The following PLOD1 variants were observed in gnomAD, a reference collection of about 807,000 sequenced individuals.
The protein encoded by PLOD1 is procollagen-lysine,2-oxoglutarate 5-dioxygenase 1.
Under a neutral mutation model 94.7 loss-of-function variants are expected in PLOD1, and 70 were observed. That is an observed-to-expected ratio of 0.74 (90% CI 0.61 to 0.90). PLOD1 has a LOEUF of 0.90. Ranked by LOEUF, PLOD1 falls within the 40% of genes least tolerant of loss-of-function variation. The pLI is 0.00. For synonymous variants in PLOD1, 417 were observed against 400.2 expected (o/e 1.04, Z -0.50); for missense variants, 905 against 972.7 (o/e 0.93, Z 0.93).
chr1:11,950,624 C>G (rs1022806390), intron 4 of PLOD1, 104 bp downstream of exon 4: 1 of 1,000,106 alleles, frequency 1.0e-6, no homozygotes, highest in Admixed American at 2.0e-5. Context: ...TCTCACAGGT[C>G]TCCAGTGCAG....
chr1:11,963,649 C>A lies in PLOD1; in HGVS notation c.1202+13C>A. ...TCCAACAGAACAAGTGAGGCTGCTC[C>A]GTCTGCACCCAGCACTGCTCAGGAC... On this transcript the variant is annotated intron_variant, in intron 11 of 18. Coordinates refer to ENST00000196061, the MANE Select transcript of PLOD1 (RefSeq NM_000302.4). The surrounding 1 kb of genome is among the most constrained non-coding windows in gnomAD (Gnocchi z 4.3). 1 of 1,548,218 alleles carries A rather than the reference C, an allele frequency of 6.5e-7. No homozygotes were observed.
Position 11,972,614 on chromosome 1 carries a change from C to T in PLOD1, c.1903-258C>T. 2 of 439,280 alleles carry T rather than the reference C, an allele frequency of 4.6e-6. No individual in the cohort carries two copies. The highest frequency in any genetic ancestry group is 4.2e-6 in the Non-Finnish European group (1 of 237,400). 27.2% of individuals were successfully genotyped at this position (439,280 alleles called of 1,614,324 possible). On this transcript the variant is annotated intron_variant, in intron 17 of 18. Transcript: ENST00000196061. The surrounding 1 kb of genome is among the most constrained non-coding windows in gnomAD (Gnocchi z 4.6). ...TCTCTTCCCTTTTCCTCCCTTCCTC[C>T]CTCCCTCCCTTCCTTTCTTCCTTCC...
At chr1:11,974,376 T>G (rs534736060) in intron 18 of PLOD1, among the ~76,000 whole-genome samples, 2 of 152,162 alleles carry the variant, frequency 1.3e-5, no homozygotes, top group African/African-American at 4.8e-5. Flanking sequence ...AGAGATGGGG[T>G]CTCACCATGT....
chr1:11,964,786 G>A lies in PLOD1; in HGVS notation c.1470+1G>A. On this transcript the variant is annotated splice_donor_variant, in intron 13 of 18. Transcript: ENST00000196061. LOFTEE classifies it high-confidence loss of function. ...CTTCTGTGCCAACATCCGGCAGCAG[G>A]TCAGCCAGGAGCGGGCAGCACAGGA... 6.2e-7 allele frequency: 1 copy of A among 1,613,560 alleles called. No homozygotes were observed. Among genetic ancestry groups the A allele is most frequent in the Non-Finnish European group, 8.5e-7 (1 of 1,180,038 alleles).
intron 13 of PLOD1, among the ~76,000 whole-genome samples, chr1:11,965,038 A>G (rs1245536824): frequency 6.6e-6 from 1 of 151,800 alleles, no homozygotes; most frequent in Non-Finnish European, 1.5e-5. Context: ...TTTTATTTAC[A>G]TTTTTGGAAT....
intron 16 of PLOD1, among the ~76,000 whole-genome samples, chr1:11,968,517 T>C (rs1645837842): frequency 1.3e-5 from 2 of 151,442 alleles, no homozygotes; most frequent in African/African-American, 2.4e-5. Context: ...TTTTCTTTTT[T>C]CTTTTTTTTT....
intron 1 of PLOD1, among the ~76,000 whole-genome samples, chr1:11,945,743 C>A (rs1452669423): frequency 1.3e-5 from 2 of 152,140 alleles, no homozygotes; most frequent in African/African-American, 4.8e-5. Flanking sequence ...GAGTCTTGCT[C>A]TGTCACCCAG....
chr1:11,945,817 T>TC (rs1557484402), intron 1 of PLOD1, among the ~76,000 whole-genome samples: 1 of 152,202 alleles, frequency 6.6e-6, no homozygotes, highest in Non-Finnish European at 1.5e-5. Flanking sequence ...CAAGCAATTC[T>TC]CCTGTCTCAG....
At chr1:11,948,322 A>C (rs1034036066) in intron 2 of PLOD1, among the ~76,000 whole-genome samples, 2 of 152,332 alleles carry the variant, frequency 1.3e-5, no homozygotes, top group African/African-American at 4.8e-5. Flanking sequence ...CAGGAGCCTC[A>C]GCTGAGAGGC....
chr1:11,959,865 C>T (rs1645765610), intron 9 of PLOD1, among the ~76,000 whole-genome samples: 1 of 151,604 alleles, frequency 6.6e-6, no homozygotes, highest in Non-Finnish European at 1.5e-5. Context: ...ATCTGCCTGC[C>T]TCCGCCTGCC....
chr1:11,940,975 CAG>C (rs937842303), intron 1 of PLOD1, among the ~76,000 whole-genome samples: 3 of 152,162 alleles, frequency 2.0e-5, no homozygotes, highest in Admixed American at 2.0e-4. Context: ...GGCTCTTGGA[CAG>C]GGAAATGAAG....
At chr1:11,973,024 G>A in intron 18 of PLOD1, 27 bp downstream of exon 18, 2 of 1,613,398 alleles carry the variant, frequency 1.2e-6, no homozygotes, top group Non-Finnish European at 1.7e-6. Flanking sequence ...CGGGGTCAAG[G>A]GGCCGGCAAT....
At chr1:11,967,178 G>C in intron 16 of PLOD1, 87 bp downstream of exon 16, 1 of 870,038 alleles carries the variant, frequency 1.1e-6, no homozygotes, top group Non-Finnish European at 2.0e-6. Context: ...TGGCAAGCTG[G>C]CCTGGCCACC....
chr1:11,966,393 C>T (rs564770955), intron 15 of PLOD1, 77 bp downstream of exon 15: 65 of 952,200 alleles, frequency 6.8e-5, no homozygotes, highest in Non-Finnish European at 9.5e-5. Context: ...ACTGCTTGCC[C>T]TGGGGAGTGG....
At position 11,957,106 on chromosome 1, in the gene PLOD1, G is replaced by A; in HGVS notation, c.741+92G>A. 1.1e-6 allele frequency: 1 copy of A among 872,878 alleles called. No individual in the cohort carries two copies. Among genetic ancestry groups the A allele is most frequent in the Non-Finnish European group, 2.0e-6 (1 of 504,040 alleles). The allele number at this position is 872,878 out of a possible 1,614,324, so 54.1% of individuals were successfully genotyped here. A position where few individuals can be genotyped will look rare whatever the true frequency, so the allele number is the denominator to read the frequency against. On this transcript the variant is annotated intron_variant, in intron 7 of 18. Transcript: ENST00000196061. The surrounding 1 kb of genome is among the most constrained non-coding windows in gnomAD (Gnocchi z 4.1). ...ACCCCACAGTGTCTCCCTGGGGCCAGGGCCACCTTCCTGGGGCCTGCTATG... is the reference window on the plus strand; with the variant it reads ...ACCCCACAGTGTCTCCCTGGGGCCAAGGCCACCTTCCTGGGGCCTGCTATG...
In PLOD1 at chr1:11,963,981, G is replaced by A. The variant is rs116185627; in HGVS notation, c.1203-194G>A. On this transcript the variant is annotated intron_variant, in intron 11 of 18. Transcript: ENST00000196061. This position sits in a 1 kb window ranked among gnomAD's most constrained non-coding sequence, Gnocchi z 4.3. ...TGTCCTGCCCTGTCTGCTCCTGGCTGCCCCATGGGAGGGAGCAGGTACCAG... is the reference window on the plus strand; with the variant it reads ...TGTCCTGCCCTGTCTGCTCCTGGCTACCCCATGGGAGGGAGCAGGTACCAG... 1.3e-5 allele frequency among the ~76,000 whole-genome samples: 2 copies of A among 152,096 alleles called. No homozygotes were observed. The highest frequency in any genetic ancestry group is 1.5e-5 in the Non-Finnish European group (1 of 68,022).
At position 11,957,939 on chromosome 1, in the gene PLOD1, T is replaced by C. The variant is rs199669594; in HGVS notation, c.839T>C (p.Ile280Thr). 7.8e-5 allele frequency: 126 copies of C among 1,608,440 alleles called. 1 individual carries two copies. In the East Asian group the frequency reaches 1.3e-3, roughly 17 times the overall value. Residue 280 changes from isoleucine to threonine, a missense_variant, in exon 8 of 19, where the codon ATT becomes ACT. Transcript: ENST00000196061. This position sits in a 1 kb window ranked among gnomAD's most constrained non-coding sequence, Gnocchi z 4.1. Reference sequence around the variant, plus strand: ...GAAGGCTTGCGCAGCCTCAAGGGCATTGGGGTGAGGCTGCGCCCAGGCCTG... The same window carrying C: ...GAAGGCTTGCGCAGCCTCAAGGGCACTGGGGTGAGGCTGCGCCCAGGCCTG... ...CDEGLRSLKG[I>T]GDEALPTVLV...
At position 11,950,515 on chromosome 1, in the gene PLOD1, C is replaced by T. The variant is rs769958284; in HGVS notation, c.461C>T (p.Ser154Phe). 2.5e-6 allele frequency: 4 copies of T among 1,613,964 alleles called. No homozygotes were observed. ...VVSDGKRFLG[S>F]GGFIGYAPNL... ...TCCGATGGCAAGAGGTTCCTGGGCT[C>T]TGGAGGTGAGAGGCCTGGGTGCAGG... The change falls in exon 4 of 19, where the codon TCT (serine) becomes TTT (phenylalanine). Residue 154 changes from serine to phenylalanine, a missense_variant. Ser to Phe is a radical substitution (Grantham distance 155, BLOSUM62 -2). Transcript: ENST00000196061.
intron 9 of PLOD1, among the ~76,000 whole-genome samples, chr1:11,959,224 T>A (rs534133034): frequency 6.6e-5 from 10 of 151,410 alleles, no homozygotes; most frequent in East Asian, 1.9e-4. Flanking sequence ...TAAAAATAAA[T>A]AAATAAATAA....
Sources: gnomAD v4.1 joint callset for allele counts (sites outside exome capture counted in the v4.1 genomes callset) on GRCh38, gnomAD v4.1.1 for gene constraint, Gnocchi (gnomAD v3.1) non-coding constraint, MANE v1.5 for transcripts, NCBI Gene and HGNC (gene_info 2026-07-23, HGNC 2026-07-21) for gene names.